Variants in C3orf49 observed in about 807,000 individuals in gnomAD.
C3orf49 encodes putative uncharacterized protein C3orf49.
Under a neutral mutation model 13.3 loss-of-function variants are expected in C3orf49, and 27 were observed. That is an observed-to-expected ratio of 2.02 (90% CI 1.49 to 2.79). The LOEUF (loss-of-function observed/expected upper bound fraction) is 2.79, where lower values mean the gene tolerates loss of function less well. Ranked by LOEUF, C3orf49 falls within the 30% of genes most tolerant of loss-of-function variation. The pLI is 0.00. For synonymous variants in C3orf49, 87 were observed against 47.6 expected (o/e 1.83, Z -3.40); for missense variants, 242 against 134.2 (o/e 1.80, Z -3.97).
chr3:63,780,301 C>G, the C3orf49 span, among the ~76,000 whole-genome samples: 1 of 152,126 alleles, frequency 6.6e-6, no homozygotes, highest in Non-Finnish European at 1.5e-5. Context: ...TCATCCATGT[C>G]CCTACAAAGG....
chr3:63,816,874 G>A (rs1026753486), upstream of C3orf49, among the ~76,000 whole-genome samples: 2 of 143,646 alleles, frequency 1.4e-5, no homozygotes, highest in South Asian at 2.3e-4. Flanking sequence ...CCGTGTTCAC[G>A]CCATTCTCCT....
the C3orf49 span, among the ~76,000 whole-genome samples, chr3:63,784,259 A>T: frequency 1.8e-4 from 28 of 152,352 alleles, no homozygotes; most frequent in East Asian, 1.9e-4. Flanking sequence ...TTTGTTAAAA[A>T]GTCATTAACA....
At chr3:63,823,162 C>T in intron 1 of C3orf49, 88 bp from the exon 2 acceptor site, 24 of 563,968 alleles carry the variant, frequency 4.3e-5, no homozygotes, top group East Asian at 8.7e-5. Flanking sequence ...ATAATTGGTT[C>T]ACATTTGAAG....
intron 5 of C3orf49, among the ~76,000 whole-genome samples, chr3:63,841,274 C>G (rs1355451255): frequency 6.6e-6 from 1 of 152,140 alleles, no homozygotes; most frequent in Non-Finnish European, 1.5e-5. Context: ...GACAGATCCA[C>G]AAGAAACTTG....
At chr3:63,833,756 A>C (rs776612796) in intron 5 of C3orf49, 1 of 170,780 alleles carries the variant, frequency 5.9e-6, no homozygotes, top group Non-Finnish European at 1.2e-5. Flanking sequence ...AAATTGGCTC[A>C]TTTTCCCATG....
intron 1 of C3orf49, among the ~76,000 whole-genome samples, chr3:63,820,411 C>T (rs1016075265): frequency 2.0e-5 from 3 of 152,170 alleles, no homozygotes; most frequent in African/African-American, 4.8e-5. Context: ...GAGGGTTCTG[C>T]TCATATCAGA....
chr3:63,820,587 T>C (rs1293416452), intron 1 of C3orf49, among the ~76,000 whole-genome samples: 2 of 152,194 alleles, frequency 1.3e-5, no homozygotes, highest in African/African-American at 4.8e-5. Flanking sequence ...TCAAAATTCC[T>C]GAATCTCCTG....
the C3orf49 span, among the ~76,000 whole-genome samples, chr3:63,787,538 T>G: frequency 6.6e-6 from 1 of 152,142 alleles, no homozygotes; most frequent in East Asian, 1.9e-4. Flanking sequence ...TCAATACCCT[T>G]TTTTAAAAAA....
At chr3:63,826,231 G>T (rs540328304) in intron 2 of C3orf49, among the ~76,000 whole-genome samples, 1 of 152,176 alleles carries the variant, frequency 6.6e-6, no homozygotes, top group East Asian at 1.9e-4. Context: ...AATCTGATTT[G>T]CATTCTTAAA....
intron 5 of C3orf49, among the ~76,000 whole-genome samples, chr3:63,843,941 A>G (rs1701828423): frequency 6.6e-6 from 1 of 152,164 alleles, no homozygotes; most frequent in South Asian, 2.1e-4. Context: ...GTGTATATAT[A>G]TATGTGTGTA....
chr3:63,790,102 T>A, the C3orf49 span, among the ~76,000 whole-genome samples: 4 of 152,266 alleles, frequency 2.6e-5, no homozygotes, highest in South Asian at 2.1e-4. Context: ...CGCTGTAGTA[T>A]CTTTGCTTGC....
chr3:63,829,791 T>C (rs1701509872), intron 3 of C3orf49, among the ~76,000 whole-genome samples: 1 of 151,504 alleles, frequency 6.6e-6, no homozygotes, highest in Non-Finnish European at 1.5e-5. Context: ...CAAAACCCCA[T>C]CTCTACAAAA....
chr3:63,819,581 G>A lies in C3orf49; in HGVS notation c.110G>A (p.Arg37Lys). ...QLKKKNGSFK[R>K]KGIERWHRAV... is the part of the protein sequence containing the mutation. ...AAGAAGAAAAATGGCTCATTCAAAA[G>A]GAAGGGGATAGAAAGGTAACAGAGA... is the stretch of plus-strand genomic sequence containing the variant. The change falls in exon 1 of 7, where the codon AGG (arginine) becomes AAG (lysine). Residue 37 changes from arginine (R) to lysine (K), a missense_variant. Physicochemically the swap from Arg to Lys is conservative, Grantham distance 26. Coordinates refer to ENST00000295896, the MANE Select transcript of C3orf49 (RefSeq NM_001355236.2). 1.4e-6 allele frequency: 1 copy of A among 703,452 alleles called. No individual in the cohort carries two copies. The allele number at this position is 703,452 out of a possible 1,614,324, so 43.6% of individuals were successfully genotyped here. A position where few individuals can be genotyped will look rare whatever the true frequency, so the allele number is the denominator to read the frequency against.
chr3:63,838,940 T>C (rs1057176025), intron 5 of C3orf49, among the ~76,000 whole-genome samples: 1 of 152,210 alleles, frequency 6.6e-6, no homozygotes, highest in Non-Finnish European at 1.5e-5. Context: ...CCTGTAATTC[T>C]GGAATTTTGG....
At chr3:63,836,251 G>T in intron 5 of C3orf49, 2 of 1,555,088 alleles carry the variant, frequency 1.3e-6, no homozygotes, top group Non-Finnish European at 1.7e-6. Context: ...TAGTTTTCGA[G>T]CATTTATGTA....
chr3:63,841,388 T>C (rs1701757224), intron 5 of C3orf49, among the ~76,000 whole-genome samples: 1 of 152,192 alleles, frequency 6.6e-6, no homozygotes, highest in Non-Finnish European at 1.5e-5. Context: ...TTTTGTTTTT[T>C]ATAGTACGCA....
chr3:63,847,252 T>C (rs536969466), intron 6 of C3orf49, among the ~76,000 whole-genome samples: 1 of 152,324 alleles, frequency 6.6e-6, no homozygotes, highest in East Asian at 1.9e-4. Context: ...AGTCATAATT[T>C]TGGTTGAAAA....
chr3:63,804,360 A>G, the C3orf49 span, among the ~76,000 whole-genome samples: 1 of 152,174 alleles, frequency 6.6e-6, no homozygotes, highest in Non-Finnish European at 1.5e-5. Context: ...AACATGGCTC[A>G]CAGACACTGC....
the C3orf49 span, among the ~76,000 whole-genome samples, chr3:63,782,085 C>T: frequency 2.0e-5 from 3 of 152,102 alleles, no homozygotes; most frequent in Non-Finnish European, 4.4e-5. Flanking sequence ...TCACTGTTGA[C>T]CCTCAATACG....
Sources: allele counts gnomAD v4.1 joint callset (sites outside exome capture counted in the v4.1 genomes callset), GRCh38; gene constraint gnomAD v4.1.1; transcripts MANE v1.5; gene names NCBI Gene and HGNC (gene_info 2026-07-23, HGNC 2026-07-21).